The following CORIN variants were observed in gnomAD, a reference collection of about 807,000 sequenced individuals.
CORIN encodes atrial natriuretic peptide-converting enzyme.
Under a neutral mutation model 125.3 loss-of-function variants are expected in CORIN, and 117 were observed. The observed-to-expected ratio is 0.93, with a 90% CI of 0.80 to 1.09. The LOEUF (loss-of-function observed/expected upper bound fraction) is 1.09. Among genes scored for constraint, CORIN ranks in the 50% least tolerant of loss-of-function variants. The probability of loss-of-function intolerance (pLI) is 0.00; values close to 1 mark genes in which losing one functional copy is unlikely to be tolerated. For missense variants in CORIN, 1,253 were observed against 1,306.7 expected, an observed-to-expected ratio of 0.96 and a Z score of 0.63; for synonymous variants, 450 against 466.4, an observed-to-expected ratio of 0.96 and a Z score of 0.45.
intron 5 of CORIN, among the ~76,000 whole-genome samples, chr4:47,697,001 C>T (rs1726042500): frequency 6.6e-6 from 1 of 152,154 alleles, no homozygotes; most frequent in African/African-American, 2.4e-5. Context: ...TCAACTCCAC[C>T]TCGGAAGAGA....
intron 4 of CORIN, among the ~76,000 whole-genome samples, chr4:47,748,676 A>C (rs7689351): frequency 0.056 from 8,521 of 152,206 alleles, 750 homozygotes; most frequent in African/African-American, 0.19. Context: ...TATATATACA[A>C]ATTAATATAT....
At chr4:47,705,528 CA>C (rs1253410660) in intron 5 of CORIN, among the ~76,000 whole-genome samples, 1 of 152,096 alleles carries the variant, frequency 6.6e-6, no homozygotes, top group African/African-American at 2.4e-5. Flanking sequence ...CACAATACAC[CA>C]AAAACAGGCC....
chr4:47,742,212 G>T (rs1157529580), intron 5 of CORIN, among the ~76,000 whole-genome samples: 1 of 151,900 alleles, frequency 6.6e-6, no homozygotes, highest in East Asian at 1.9e-4. Context: ...AATAGAAAGA[G>T]CTTCCTTAAT....
chr4:47,649,433 C>G (rs568257264), intron 13 of CORIN, among the ~76,000 whole-genome samples: 3 of 152,364 alleles, frequency 2.0e-5, no homozygotes, highest in African/African-American at 4.8e-5. Context: ...GACAGGACTC[C>G]TTCCCTCAAG....
chr4:47,630,200 A>G (rs1560480115), intron 16 of CORIN, among the ~76,000 whole-genome samples: 2 of 152,242 alleles, frequency 1.3e-5, no homozygotes, highest in African/African-American at 4.8e-5. Context: ...TAGAAATAAA[A>G]TCATTGAATC....
rs778244051 is a variant in CORIN, at chr4:47,603,692, T to C, written c.2541-24A>G. On this transcript the variant is annotated intron_variant, in intron 19 of 21. Coordinates refer to ENST00000273857, the MANE Select transcript of CORIN (RefSeq NM_006587.4). ...TCCTAAAATTATAATTCAAGAGCTA[T>C]TGGCATCTTAAACTCTAGTTTATCA... 1.8e-5 allele frequency: 29 copies of C among 1,601,652 alleles called. No homozygotes were observed. In the Admixed American group the frequency reaches 2.3e-4, roughly 13 times the overall value.
intron 2 of CORIN, among the ~76,000 whole-genome samples, chr4:47,791,080 A>G (rs1731057558): frequency 6.6e-6 from 1 of 152,172 alleles, no homozygotes; most frequent in African/African-American, 2.4e-5. Flanking sequence ...TCTGCTTTAC[A>G]TACTTTACGT....
In CORIN at chr4:47,628,861, A is replaced by G. The variant is rs567747443; in HGVS notation, c.2199-2340T>C. ...TAGTGTGTGTATGTGTATTCTTTGC[A>G]TAAAATTTCTATTGTATAAAGAAAT... On this transcript the variant is annotated intron_variant, in intron 16 of 21. Coordinates refer to ENST00000273857, the MANE Select transcript of CORIN (RefSeq NM_006587.4). 1.6e-3 allele frequency among the ~76,000 whole-genome samples: 251 copies of G among 152,312 alleles called. 2 individuals are homozygous for G. The highest frequency in any genetic ancestry group is 5.4e-3 in the African/African-American group (225 of 41,580).
At chr4:47,667,037 G>A (rs962403263) in intron 10 of CORIN, among the ~76,000 whole-genome samples, 1 of 152,156 alleles carries the variant, frequency 6.6e-6, no homozygotes. Context: ...GTGGGAGGGA[G>A]CCAGTGGGAG....
At chr4:47,689,067 C>T (rs1268244886) in intron 6 of CORIN, among the ~76,000 whole-genome samples, 1 of 152,122 alleles carries the variant, frequency 6.6e-6, no homozygotes, top group Non-Finnish European at 1.5e-5. Context: ...TTTTGTGTTT[C>T]TCTCTTCCTT....
chr4:47,810,843 T>C (rs887956824), intron 1 of CORIN, among the ~76,000 whole-genome samples: 2 of 152,188 alleles, frequency 1.3e-5, no homozygotes, highest in African/African-American at 4.8e-5. Context: ...GATTGCATTA[T>C]ATGCAACTGA....
At chr4:47,809,481 T>G (rs1351526419) in intron 1 of CORIN, among the ~76,000 whole-genome samples, 1 of 145,490 alleles carries the variant, frequency 6.9e-6, no homozygotes, top group African/African-American at 2.6e-5. Flanking sequence ...CTTGGCTCAC[T>G]GCAACCTCCG....
At chr4:47,725,473 A>AT (rs1442987451) in intron 5 of CORIN, among the ~76,000 whole-genome samples, 1 of 152,156 alleles carries the variant, frequency 6.6e-6, no homozygotes, top group Admixed American at 6.5e-5. Context: ...ACCCACGAGA[A>AT]TAAGGTCAAT....
At chr4:47,680,428 C>A (rs1166160956) in intron 7 of CORIN, 177 bp from the exon 8 acceptor site, 1 of 552,332 alleles carries the variant, frequency 1.8e-6, no homozygotes, top group African/African-American at 1.9e-5. Context: ...TCATGTGCCC[C>A]ACTGACCACC....
At chr4:47,687,904 T>G (rs1577828663) in intron 6 of CORIN, among the ~76,000 whole-genome samples, 1 of 152,034 alleles carries the variant, frequency 6.6e-6, no homozygotes, top group Non-Finnish European at 1.5e-5. Flanking sequence ...TAGAAAAGGG[T>G]TTCTCAACGG....
In CORIN at chr4:47,634,415, C is replaced by T. The variant is rs148377362; in HGVS notation, c.2198+7505G>A. ...TTGGGAGGCCAAAGCAGGTGGATCACGTGAGGTCGGGAGTTCAAGACCAGC... is the reference window on the plus strand; with the variant it reads ...TTGGGAGGCCAAAGCAGGTGGATCATGTGAGGTCGGGAGTTCAAGACCAGC... On this transcript the variant is annotated intron_variant, in intron 16 of 21. Transcript: ENST00000273857. Among the ~76,000 whole-genome samples the T allele has an allele frequency of 6.5e-3, 986 of 152,300 alleles. 26 individuals are homozygous for T. The East Asian group carries it at 0.082, about 13-fold the overall frequency.
rs768458044 is a variant in CORIN at position 47,677,981 on chromosome 4, G to A, written c.1206C>T (p.Asp402=). ...CIPSTFQCDG[D]EDCKDGSDEE... ...CATCACTCCCATCCTTGCAGTCCTC[G>A]TCACCATCACATTGAAACGTGCTGG... The change falls in exon 9 of 22, where the codon GAC becomes GAT. Residue 402 remains aspartate, a synonymous_variant. Coordinates refer to ENST00000273857, the MANE Select transcript of CORIN (RefSeq NM_006587.4). 1.8e-5 allele frequency: 29 copies of A among 1,613,874 alleles called. No individual in the cohort carries two copies. Among genetic ancestry groups the A allele is most frequent in the South Asian group, 1.1e-4 (10 of 91,058 alleles).
At chr4:47,725,584 A>T (rs1727556111) in intron 5 of CORIN, among the ~76,000 whole-genome samples, 1 of 152,248 alleles carries the variant, frequency 6.6e-6, no homozygotes, top group South Asian at 2.1e-4. Flanking sequence ...AAAGGAAAAA[A>T]ATACCACTTG....
At chr4:47,695,598 G>C (rs186938605) in intron 5 of CORIN, among the ~76,000 whole-genome samples, 1 of 152,262 alleles carries the variant, frequency 6.6e-6, no homozygotes, top group East Asian at 1.9e-4. Context: ...CTTTTGTGTG[G>C]TTCCTCATCT....
Sources: gnomAD v4.1 joint callset for allele counts (sites outside exome capture counted in the v4.1 genomes callset) on GRCh38, gnomAD v4.1.1 for gene constraint, MANE v1.5 for transcripts, NCBI Gene and HGNC (gene_info 2026-07-23, HGNC 2026-07-21) for gene names.